SSUH2: variants seen among roughly 807,000 people sequenced by gnomAD.
SSUH2 encodes the protein ssu-2 homolog.
SSUH2 carries 47 observed loss-of-function variants against 55.3 expected under a neutral mutation model. The observed-to-expected ratio is 0.85, with a 90% CI of 0.67 to 1.08. The LOEUF (loss-of-function observed/expected upper bound fraction) is 1.08, where lower values mean the gene tolerates loss of function less well. Among genes scored for constraint, SSUH2 ranks in the 50% least tolerant of loss-of-function variants. The pLI is 0.00. For missense variants in SSUH2, 535 were observed against 490.7 expected, an observed-to-expected ratio of 1.09 and a Z score of -0.85; for synonymous variants, 212 against 191.5, an observed-to-expected ratio of 1.11 and a Z score of -0.89.
intron 2 of SSUH2, among the ~76,000 whole-genome samples, chr3:8,679,431 G>A (rs998884899): frequency 1.5e-5 from 2 of 137,244 alleles, no homozygotes; most frequent in African/African-American, 2.6e-5. Context: ...TGGCTCTTAG[G>A]ACCCCCATCA....
chr3:8,643,726 TGTTA>T (rs1481152360), intron 1 of SSUH2, among the ~76,000 whole-genome samples: 1 of 152,190 alleles, frequency 6.6e-6, no homozygotes, highest in African/African-American at 2.4e-5. Context: ...TATGAAGTTG[TGTTA>T]GTGTCATGGA....
At chr3:8,624,822 G>T (rs909800308) in intron 10 of SSUH2, among the ~76,000 whole-genome samples, 2 of 152,068 alleles carry the variant, frequency 1.3e-5, no homozygotes, top group Non-Finnish European at 1.5e-5. Context: ...CTGGCTGAAG[G>T]TACCTCTCAC....
intron 3 of SSUH2, among the ~76,000 whole-genome samples, chr3:8,674,445 C>T (rs1300631877): frequency 6.6e-6 from 1 of 152,138 alleles, no homozygotes; most frequent in Non-Finnish European, 1.5e-5. Flanking sequence ...TCCCCAAAGA[C>T]CCCCTGGTCA....
Position 8,626,233 on chromosome 3 carries a change from T to G in SSUH2, c.763A>C (p.Met255Leu), listed in dbSNP as rs929749700. The stretch of plus-strand genomic sequence containing the variant: ...CATTGAGACACTGCCACATACCACA[T>G]GATGACAAGCTGGATGAAGTGCAAC... The part of the protein sequence containing the change: ...KLLHFIQLVI[M>L]WKNSLFEFVS... Residue 255 changes from methionine (M) to leucine (L), a missense_variant, in exon 9 of 12, where the codon ATG (methionine) becomes CTG (leucine). Coordinates refer to ENST00000544814, the MANE Select transcript of SSUH2 (RefSeq NM_001256748.3). 6.2e-7 allele frequency: 1 copy of G among 1,613,752 alleles called. No homozygotes were observed. The highest frequency in any genetic ancestry group is 2.2e-5 in the East Asian group (1 of 44,876).
chr3:8,623,495 T>A (rs1337545068), intron 11 of SSUH2, 54 bp downstream of exon 11: 1 of 1,082,962 alleles, frequency 9.2e-7, no homozygotes, highest in East Asian at 2.6e-5. Context: ...GAAAGAGGGC[T>A]CAGCAGCCCA....
chr3:8,678,231 C>A (rs368878290), intron 2 of SSUH2, among the ~76,000 whole-genome samples: 83 of 152,160 alleles, frequency 5.5e-4, no homozygotes, highest in Middle Eastern at 3.4e-3. Context: ...CATCTCACAC[C>A]GGGGTGTATA....
At chr3:8,646,963 A>C (rs1457516392), upstream of SSUH2, among the ~76,000 whole-genome samples, 1 of 152,232 alleles carries the variant, frequency 6.6e-6, no homozygotes, top group Non-Finnish European at 1.5e-5. Flanking sequence ...ACATTTGTGG[A>C]ATTAGCACAG....
upstream of SSUH2, among the ~76,000 whole-genome samples, chr3:8,648,702 C>T (rs1702023200): frequency 6.6e-6 from 1 of 152,168 alleles, no homozygotes; most frequent in African/African-American, 2.4e-5. Context: ...TTCCCTCATT[C>T]CCTTGATGTA....
At chr3:8,679,022 CCCCCTGG>C (rs1705711486) in intron 2 of SSUH2, among the ~76,000 whole-genome samples, 2 of 112,572 alleles carry the variant, frequency 1.8e-5, no homozygotes, top group Non-Finnish European at 4.2e-5. Flanking sequence ...CCCCTCTTCC[CCCCCTGG>C]CTCTTAGGAC....
At chr3:8,667,982 A>T (rs1262302371) in intron 5 of SSUH2, among the ~76,000 whole-genome samples, 2 of 152,004 alleles carry the variant, frequency 1.3e-5, no homozygotes, top group Non-Finnish European at 2.9e-5. Context: ...CCAGGCTCTC[A>T]CTCCAGCCTG....
chr3:8,634,066 T>G (rs1380380388), intron 3 of SSUH2: 15 of 983,712 alleles, frequency 1.5e-5, no homozygotes, highest in Middle Eastern at 2.4e-4. Flanking sequence ...ATCCTGCAAC[T>G]GAAGAAACAC....
intron 1 of SSUH2, among the ~76,000 whole-genome samples, chr3:8,641,981 C>G (rs1700928501): frequency 6.6e-6 from 1 of 152,182 alleles, no homozygotes; most frequent in Non-Finnish European, 1.5e-5. Context: ...GACCAGGGCT[C>G]TCACTCGTGA....
chr3:8,652,265 G>A (rs754797774), intron 7 of SSUH2, among the ~76,000 whole-genome samples: 4 of 152,204 alleles, frequency 2.6e-5, no homozygotes, highest in Non-Finnish European at 5.9e-5. Flanking sequence ...CTCTGCACCT[G>A]TACCACAATC....
intron 4 of SSUH2, among the ~76,000 whole-genome samples, chr3:8,671,641 A>G (rs936436194): frequency 1.3e-5 from 2 of 152,134 alleles, no homozygotes; most frequent in African/African-American, 4.8e-5. Context: ...GACAACATGA[A>G]TAACATTCCC....
chr3:8,680,197 C>A (rs1198338997), intron 1 of SSUH2, among the ~76,000 whole-genome samples: 1 of 152,156 alleles, frequency 6.6e-6, no homozygotes, highest in East Asian at 1.9e-4. Flanking sequence ...AAAGGATGGC[C>A]CCCCGTTTGA....
intron 7 of SSUH2, among the ~76,000 whole-genome samples, chr3:8,656,872 T>C (rs1417875392): frequency 2.6e-5 from 4 of 151,568 alleles, no homozygotes; most frequent in Non-Finnish European, 5.9e-5. Flanking sequence ...GGTTTGTTTG[T>C]TTGTTTGTTT....
At position 8,674,820 on chromosome 3, in the gene SSUH2, G is replaced by C. The variant is rs145218327; in HGVS notation, c.-753+2386C>G. Among the ~76,000 whole-genome samples, 904 of 152,006 alleles carry C rather than the reference G, an allele frequency of 5.9e-3. 12 individuals are homozygous for C. The highest frequency in any genetic ancestry group is 0.019 in the African/African-American group (783 of 41,458). ...GGAGGAATGGAGACTTTTCTGAACT[G>C]AGCTGGGCCAAGAGAGAAGACAAGC... On this transcript the variant is annotated intron_variant, in intron 3 of 18. Transcript: ENST00000317371.
intron 3 of SSUH2, among the ~76,000 whole-genome samples, chr3:8,676,209 C>T (rs1315569651): frequency 6.6e-6 from 1 of 151,930 alleles, no homozygotes; most frequent in Non-Finnish European, 1.5e-5. Context: ...GACGGGTGTA[C>T]ACACTCGGTG....
chr3:8,664,016 A>T, intron 5 of SSUH2: 2 of 347,180 alleles, frequency 5.8e-6, no homozygotes, highest in South Asian at 4.3e-5. Context: ...GACCCAGGTT[A>T]TTTCTCTCCC....
Sources: allele counts gnomAD v4.1 joint callset (sites outside exome capture counted in the v4.1 genomes callset), GRCh38; gene constraint gnomAD v4.1.1; transcripts MANE v1.5; gene names NCBI Gene and HGNC (gene_info 2026-07-23, HGNC 2026-07-21).